CNTNAP5: variants seen among roughly 807,000 people sequenced by gnomAD.
CNTNAP5 encodes the protein contactin-associated protein-like 5.
Under a neutral mutation model 150.2 loss-of-function variants are expected in CNTNAP5, and 72 were observed. The observed-to-expected ratio is 0.48, with a 90% CI of 0.40 to 0.58. The LOEUF (loss-of-function observed/expected upper bound fraction) is 0.58, where lower values mean the gene tolerates loss of function less well. Among genes scored for constraint, CNTNAP5 ranks in the 20% least tolerant of loss-of-function variants. CNTNAP5 has a pLI of 0.00. For synonymous variants in CNTNAP5, 672 were observed against 619.8 expected (o/e 1.08, Z -1.25); for missense variants, 1,636 against 1,626.2 (o/e 1.01, Z -0.10).
chr2:124,296,561 G>T (rs1399974266), intron 3 of CNTNAP5, among the ~76,000 whole-genome samples: 1 of 152,036 alleles, frequency 6.6e-6, no homozygotes, highest in Non-Finnish European at 1.5e-5. Context: ...TCCACTCATT[G>T]GTGGTCATGA....
chr2:124,255,942 G>T (rs923951732), intron 3 of CNTNAP5, among the ~76,000 whole-genome samples: 5 of 152,056 alleles, frequency 3.3e-5, no homozygotes, highest in African/African-American at 1.2e-4. Flanking sequence ...AGCTAGGTAG[G>T]TATTGTGACA....
intron 1 of CNTNAP5, among the ~76,000 whole-genome samples, chr2:124,049,065 C>T (rs1573717295): frequency 6.6e-6 from 1 of 152,176 alleles, no homozygotes; most frequent in East Asian, 1.9e-4. Context: ...CCAAATATCT[C>T]ATCTCACGAC....
intron 17 of CNTNAP5, among the ~76,000 whole-genome samples, chr2:124,775,609 T>C (rs1681305541): frequency 6.6e-6 from 1 of 152,284 alleles, no homozygotes; most frequent in African/African-American, 2.4e-5. Context: ...GCACTGCCCC[T>C]GTCATTGGAA....
intron 21 of CNTNAP5, among the ~76,000 whole-genome samples, chr2:124,874,188 CT>C (rs1197577759): frequency 6.6e-6 from 1 of 151,992 alleles, no homozygotes; most frequent in East Asian, 1.9e-4. Flanking sequence ...AAGGTTTATT[CT>C]TTGGTTTACT....
chr2:124,140,543 C>CGGCAG (rs1461243525), intron 1 of CNTNAP5, among the ~76,000 whole-genome samples: 1 of 78,800 alleles, frequency 1.3e-5, no homozygotes, highest in African/African-American at 4.7e-5. Context: ...ACACCTCACA[C>CGGCAG]GGCAGGGTAT....
intron 3 of CNTNAP5, among the ~76,000 whole-genome samples, chr2:124,343,997 G>C (rs1376604487): frequency 6.6e-6 from 1 of 152,080 alleles, no homozygotes; most frequent in African/African-American, 2.4e-5. Context: ...ATCCCCATGA[G>C]AACTCATTCA....
chr2:124,604,520 T>G (rs1437565293), intron 11 of CNTNAP5, among the ~76,000 whole-genome samples: 1 of 152,210 alleles, frequency 6.6e-6, no homozygotes, highest in African/African-American at 2.4e-5. Flanking sequence ...ACTGATGAAT[T>G]AAAGTGAAAG....
chr2:124,331,046 A>G lies in CNTNAP5; in HGVS notation c.382-86397A>G, dbSNP rs1158914066. Among the ~76,000 whole-genome samples the G allele has an allele frequency of 2.0e-5, 3 of 152,114 alleles. No individual in the cohort carries two copies. The South Asian group carries it at 6.2e-4, about 32-fold the overall frequency. On this transcript the variant is annotated intron_variant, in intron 3 of 23. Transcript: ENST00000682447. ...ACCAGGTCCAATAATATCAGAAATT[A>G]CCAGAAACTCATACTTGTCGGAGTC...
At chr2:124,507,114 T>A (rs1341890910) in intron 8 of CNTNAP5, among the ~76,000 whole-genome samples, 1 of 152,106 alleles carries the variant, frequency 6.6e-6, no homozygotes, top group African/African-American at 2.4e-5. Flanking sequence ...GGTTGATGCT[T>A]TTATATCACC....
At chr2:124,846,945 T>C (rs1378701112) in intron 19 of CNTNAP5, among the ~76,000 whole-genome samples, 6 of 152,262 alleles carry the variant, frequency 3.9e-5, no homozygotes, top group South Asian at 2.1e-4. Context: ...CTTGCAGCTG[T>C]GGATAACAGC....
chr2:124,535,691 C>T (rs535134725), intron 10 of CNTNAP5, among the ~76,000 whole-genome samples: 18 of 151,594 alleles, frequency 1.2e-4, no homozygotes, highest in East Asian at 1.9e-4. Flanking sequence ...GCATGAGAAT[C>T]GCTTGAACCC....
intron 13 of CNTNAP5, among the ~76,000 whole-genome samples, chr2:124,679,534 A>G (rs1247299818): frequency 6.6e-6 from 1 of 151,484 alleles, no homozygotes; most frequent in East Asian, 1.9e-4. Flanking sequence ...GACAGAGTTG[A>G]TCCTAGAACC....
chr2:124,191,055 T>C (rs1489594448), intron 1 of CNTNAP5, among the ~76,000 whole-genome samples: 1 of 152,232 alleles, frequency 6.6e-6, no homozygotes, highest in Non-Finnish European at 1.5e-5. Context: ...GAACAAAAGC[T>C]GTAAATATAT....
intron 12 of CNTNAP5, among the ~76,000 whole-genome samples, chr2:124,634,491 C>T (rs547827327): frequency 1.3e-4 from 20 of 151,118 alleles, no homozygotes; most frequent in Non-Finnish European, 2.5e-4. Context: ...CAGGCACACA[C>T]GTGTGTGTGT....
chr2:124,161,076 C>T (rs1684665967), intron 1 of CNTNAP5, among the ~76,000 whole-genome samples: 1 of 152,114 alleles, frequency 6.6e-6, no homozygotes, highest in South Asian at 2.1e-4. Context: ...ATAAAGGAGG[C>T]TAACAGTTAA....
chr2:124,154,611 T>A (rs369944217), intron 1 of CNTNAP5, among the ~76,000 whole-genome samples: 1 of 152,162 alleles, frequency 6.6e-6, no homozygotes, highest in Non-Finnish European at 1.5e-5. Flanking sequence ...ACTTTTCCAA[T>A]GAAGAAAGGT....
intron 7 of CNTNAP5, among the ~76,000 whole-genome samples, chr2:124,487,609 A>T (rs770262724): frequency 4.4e-4 from 67 of 152,062 alleles, no homozygotes; most frequent in Middle Eastern, 3.4e-3. Context: ...TTGGTAGAGG[A>T]TTATATGTGC....
chr2:124,348,857 ATG>A (rs1286921012), intron 3 of CNTNAP5, among the ~76,000 whole-genome samples: 1 of 152,050 alleles, frequency 6.6e-6, no homozygotes, highest in African/African-American at 2.4e-5. Flanking sequence ...GTGTGTGTGC[ATG>A]TGTGTGTCAA....
At chr2:124,336,421 C>A (rs1320166094) in intron 3 of CNTNAP5, among the ~76,000 whole-genome samples, 1 of 151,678 alleles carries the variant, frequency 6.6e-6, no homozygotes, top group Non-Finnish European at 1.5e-5. Flanking sequence ...ATGTGCATAA[C>A]GTGCAGGTTT....
Sources: gnomAD v4.1 joint callset for allele counts (sites outside exome capture counted in the v4.1 genomes callset) on GRCh38, gnomAD v4.1.1 for gene constraint, MANE v1.5 for transcripts, NCBI Gene and HGNC (gene_info 2026-07-23, HGNC 2026-07-21) for gene names.